The following HIBCH variants were observed in gnomAD, a reference collection of about 807,000 sequenced individuals.
HIBCH encodes 3-hydroxyisobutyryl-CoA hydrolase.
Under a neutral mutation model 58.2 loss-of-function variants are expected in HIBCH, and 50 were observed. The observed-to-expected ratio is 0.86, with a 90% CI of 0.68 to 1.09. The LOEUF is 1.09. HIBCH is among the 50% of genes least tolerant of loss of function. The pLI is 0.00. For missense variants in HIBCH, 450 were observed against 449.7 expected, an observed-to-expected ratio of 1.00 and a Z score of -0.01; for synonymous variants, 151 against 146.9, an observed-to-expected ratio of 1.03 and a Z score of -0.20.
chr2:190,246,417 G>A (rs1441554628), intron 9 of HIBCH, among the ~76,000 whole-genome samples: 2 of 152,066 alleles, frequency 1.3e-5, no homozygotes, highest in East Asian at 1.9e-4. Context: ...AAGTATCAAC[G>A]GCAAAAATGT....
At chr2:190,302,983 G>A (rs567054144) in intron 2 of HIBCH, among the ~76,000 whole-genome samples, 9 of 152,180 alleles carry the variant, frequency 5.9e-5, no homozygotes, top group Non-Finnish European at 1.0e-4. Flanking sequence ...CAACTGCTTT[G>A]CATATATACT....
intron 9 of HIBCH, 136 bp downstream of exon 9, chr2:190,249,504 G>A (rs1686703324): frequency 3.3e-6 from 2 of 602,382 alleles, no homozygotes; most frequent in East Asian, 2.9e-5. Flanking sequence ...TGATTCTTCT[G>A]CCACGCTTTA....
intron 11 of HIBCH, among the ~76,000 whole-genome samples, chr2:190,239,985 T>G (rs908573349): frequency 6.6e-6 from 1 of 151,986 alleles, no homozygotes; most frequent in Non-Finnish European, 1.5e-5. Context: ...CTCTGCCAGG[T>G]TTTGGTATCA....
rs560450961 is a variant in HIBCH, at chr2:190,305,953, G to A, written c.78+4801C>T. On this transcript the variant is annotated intron_variant, in intron 2 of 13. Transcript: ENST00000359678. ...CCTGGTTTGCAACACTACTGATTTA[G>A]TGTCTATCTTTCTCAGGCACTTTTC... Among the ~76,000 whole-genome samples, 85 of 152,262 alleles carry A rather than the reference G, an allele frequency of 5.6e-4. 2 individuals carry two copies. In the South Asian group the frequency reaches 0.017, roughly 31 times the overall value.
chr2:190,301,387 A>C (rs776398319), intron 2 of HIBCH, among the ~76,000 whole-genome samples: 13 of 152,228 alleles, frequency 8.5e-5, no homozygotes, highest in Non-Finnish European at 1.9e-4. Context: ...TAAGGACCTT[A>C]GTGTTTGTCA....
chr2:190,287,683 C>T, intron 5 of HIBCH, 45 bp from the exon 6 acceptor site: 1 of 1,403,276 alleles, frequency 7.1e-7, no homozygotes. Flanking sequence ...GTTTAAAATA[C>T]ATTCCCTTTT....
Position 190,290,410 on chromosome 2 carries a change from G to T in HIBCH, c.380C>A (p.Ala127Asp). 1 of 1,599,068 alleles carries T rather than the reference G, an allele frequency of 6.3e-7. No homozygotes were observed. The highest frequency in any genetic ancestry group is 8.6e-7 in the Non-Finnish European group (1 of 1,166,916). ...TCTGAGCAGAATACACATACCAACA[G>T]CATTATTCAGCATATATTCTTCTCT... ...FFREEYMLNN[A>D]VGSCQKPYVA... The change falls in exon 5 of 14, where the codon GCT becomes GAT. Residue 127 changes from alanine (A) to aspartate (D), a missense_variant. Coordinates refer to ENST00000359678, the MANE Select transcript of HIBCH (RefSeq NM_014362.4).
downstream of HIBCH, chr2:190,202,888 G>A (rs529471604): frequency 6.0e-6 from 1 of 167,156 alleles, no homozygotes; most frequent in Admixed American, 6.5e-5. Context: ...CTTATGTACT[G>A]TTGTTACCTT....
At chr2:190,240,941 C>T (rs565851761) in intron 11 of HIBCH, among the ~76,000 whole-genome samples, 5 of 152,208 alleles carry the variant, frequency 3.3e-5, no homozygotes, top group Middle Eastern at 3.4e-3. Context: ...CTGAAAATAA[C>T]GTATATTATG....
intron 6 of HIBCH, among the ~76,000 whole-genome samples, chr2:190,263,597 T>C (rs1461371784): frequency 3.9e-5 from 6 of 152,156 alleles, no homozygotes; most frequent in Non-Finnish European, 7.4e-5. Context: ...ACTAATAAAT[T>C]ATTTCCCCAT....
In HIBCH at chr2:190,294,051, TATAG is replaced by T. The variant is rs1459756018; in HGVS notation, c.304+491_304+494del. Among the ~76,000 whole-genome samples the T allele has an allele frequency of 7.6e-5, 11 of 144,126 alleles. 1 individual carries two copies. The highest frequency in any genetic ancestry group is 2.6e-4 in the African/African-American group (10 of 38,984). The allele number at this position is 144,126 out of a possible 152,430, so 94.6% of individuals were successfully genotyped here. On this transcript the variant is annotated intron_variant, in intron 4 of 13. Coordinates refer to ENST00000359678, the MANE Select transcript of HIBCH (RefSeq NM_014362.4). Reference sequence around the variant, plus strand: ...ATATATATATATATATATATATATATATAGCAACAGGATAAATGCTATAAATAAG... The same window carrying T: ...ATATATATATATATATATATATATATCAACAGGATAAATGCTATAAATAAG...
chr2:190,278,082 C>T (rs1272737049), intron 6 of HIBCH, among the ~76,000 whole-genome samples: 1 of 152,062 alleles, frequency 6.6e-6, no homozygotes. Context: ...GTCTGAACAC[C>T]TTACAAAAAT....
rs530132322 is a variant in HIBCH, at chr2:190,236,912, T to C, written c.891+7975A>G. ...CTAGAAAACTGTTTTCTCTTCTGTC[T>C]ACATAAACTGATGCATTTTCCCCTT... On this transcript the variant is annotated intron_variant, in intron 11 of 13. Coordinates refer to ENST00000359678, the MANE Select transcript of HIBCH (RefSeq NM_014362.4). This position sits in a 1 kb window ranked among gnomAD's most constrained non-coding sequence, Gnocchi z 4.1. 6.6e-6 allele frequency among the ~76,000 whole-genome samples: 1 copy of C among 152,280 alleles called. No individual in the cohort carries two copies. The highest frequency in any genetic ancestry group is 1.9e-4 in the East Asian group (1 of 5,178).
chr2:190,231,997 A>T (rs1559023653), intron 11 of HIBCH, among the ~76,000 whole-genome samples: 1 of 152,134 alleles, frequency 6.6e-6, no homozygotes, highest in African/African-American at 2.4e-5. Context: ...AGAGTTCAAG[A>T]CCAGCCTGAC....
chr2:190,189,962 G>C (rs1689636429), exon 2 of HIBCH: 1 of 152,190 alleles, frequency 6.6e-6, no homozygotes, highest in African/African-American at 2.4e-5. Context: ...TCCAGCACAG[G>C]GAGCTGGTCC....
rs529976329 is a variant in HIBCH, at chr2:190,305,627, G to C, written c.78+5127C>G. Among the ~76,000 whole-genome samples the C allele has an allele frequency of 2.6e-5, 4 of 152,158 alleles. No individual in the cohort carries two copies. The South Asian group carries it at 8.3e-4, about 32-fold the overall frequency. On this transcript the variant is annotated intron_variant, in intron 2 of 13. Coordinates refer to ENST00000359678, the MANE Select transcript of HIBCH (RefSeq NM_014362.4). ...CTAGGACTCCAACATATGAATTTTG[G>C]GGGACACAATTCAATCCATAATAGC... is the stretch of plus-strand genomic sequence containing the variant.
intron 11 of HIBCH, among the ~76,000 whole-genome samples, chr2:190,227,050 A>C (rs1029987222): frequency 3.9e-5 from 6 of 152,168 alleles, no homozygotes; most frequent in Non-Finnish European, 5.9e-5. Flanking sequence ...GCTACCAATG[A>C]CTTTCTTCAC....
At chr2:190,218,999 A>G (rs1170341387) in intron 11 of HIBCH, among the ~76,000 whole-genome samples, 1 of 152,164 alleles carries the variant, frequency 6.6e-6, no homozygotes, top group Non-Finnish European at 1.5e-5. Flanking sequence ...TCAGCTCTTC[A>G]TATACCCCAG....
chr2:190,308,765 AAC>A (rs1465323053), intron 2 of HIBCH, among the ~76,000 whole-genome samples: 5 of 152,230 alleles, frequency 3.3e-5, no homozygotes, highest in Non-Finnish European at 7.3e-5. Context: ...AAAATGGACT[AAC>A]ACAGTTAGGA....
Sources: allele counts gnomAD v4.1 joint callset (sites outside exome capture counted in the v4.1 genomes callset), GRCh38; gene constraint gnomAD v4.1.1; non-coding constraint Gnocchi (gnomAD v3.1); transcripts MANE v1.5; gene names NCBI Gene and HGNC (gene_info 2026-07-23, HGNC 2026-07-21).